The following TMEM266 variants were observed in gnomAD, a reference collection of about 807,000 sequenced individuals.
TMEM266 encodes Hv1 related protein 1.
A neutral mutation model predicts 50.5 loss-of-function variants in TMEM266; 33 were observed. The ratio of observed to expected loss-of-function variants is 0.65; its 90% confidence interval spans 0.50 to 0.87. The LOEUF (loss-of-function observed/expected upper bound fraction) is 0.87, where lower values mean the gene tolerates loss of function less well. Among genes scored for constraint, TMEM266 ranks in the 40% least tolerant of loss-of-function variants. The pLI is 0.00. For synonymous variants in TMEM266, 310 were observed against 292.3 expected (o/e 1.06, Z -0.62); for missense variants, 655 against 695.1 (o/e 0.94, Z 0.65).
At chr15:76,128,248 G>T (rs933377942) in intron 1 of TMEM266, among the ~76,000 whole-genome samples, 5 of 152,236 alleles carry the variant, frequency 3.3e-5, no homozygotes, top group African/African-American at 9.6e-5. Flanking sequence ...AAGAGGTGAT[G>T]AACAGACCTG....
chr15:76,152,511 G>A (rs1170257250), intron 3 of TMEM266, among the ~76,000 whole-genome samples: 1 of 152,156 alleles, frequency 6.6e-6, no homozygotes, highest in Non-Finnish European at 1.5e-5. Flanking sequence ...TATACCCCCT[G>A]CTGAAGGGGG....
chr15:76,166,181 C>G (rs985588221), intron 5 of TMEM266, among the ~76,000 whole-genome samples: 1 of 152,008 alleles, frequency 6.6e-6, no homozygotes, highest in Non-Finnish European at 1.5e-5. Context: ...CTGTCCCTGC[C>G]TCCGTGGACA....
intron 3 of TMEM266, among the ~76,000 whole-genome samples, chr15:76,138,132 G>C (rs900039586): frequency 6.8e-6 from 1 of 147,924 alleles, no homozygotes; most frequent in Non-Finnish European, 1.5e-5. Flanking sequence ...TGAGGCAGGA[G>C]AATTGCTTGA....
At chr15:76,182,515 G>A (rs368886022) in intron 8 of TMEM266, among the ~76,000 whole-genome samples, 133 of 151,976 alleles carry the variant, frequency 8.8e-4, no homozygotes, top group African/African-American at 3.0e-3. Context: ...GTGGTGGCGG[G>A]TGCCTGTGGT....
chr15:76,150,327 C>CCTG (rs2037819335), intron 3 of TMEM266, among the ~76,000 whole-genome samples: 1 of 152,186 alleles, frequency 6.6e-6, no homozygotes, highest in African/African-American at 2.4e-5. Context: ...CGATCTGGCT[C>CCTG]CTGCTACCAG....
chr15:76,101,991 A>T (rs2037008091), intron 1 of TMEM266, among the ~76,000 whole-genome samples: 1 of 152,180 alleles, frequency 6.6e-6, no homozygotes, highest in Non-Finnish European at 1.5e-5. Flanking sequence ...CTGCATACAG[A>T]TGGAGGCTGT....
chr15:76,088,774 G>T (rs1231877400), intron 1 of TMEM266, among the ~76,000 whole-genome samples: 1 of 150,380 alleles, frequency 6.6e-6, no homozygotes, highest in Non-Finnish European at 1.5e-5. Context: ...TCCAGCCTGG[G>T]CTACAGAGTG....
At position 76,105,039 on chromosome 15, in the gene TMEM266, A is replaced by C. The variant is rs144419179; in HGVS notation, c.-96-29129A>C. Among the ~76,000 whole-genome samples, 518 of 152,260 alleles carry C rather than the reference A, an allele frequency of 3.4e-3. 4 individuals are homozygous for C. The highest frequency in any genetic ancestry group is 0.012 in the African/African-American group (491 of 41,560). On this transcript the variant is annotated intron_variant, in intron 1 of 10. Transcript: ENST00000388942. Reference sequence around the variant, plus strand: ...ACAACCTGTCCTTAAAATAGAATAGAGTTCAAGACCAGCCTGACGAACATG... The same window carrying C: ...ACAACCTGTCCTTAAAATAGAATAGCGTTCAAGACCAGCCTGACGAACATG...
intron 9 of TMEM266, among the ~76,000 whole-genome samples, chr15:76,193,744 G>A (rs1303148925): frequency 6.6e-6 from 1 of 152,184 alleles, no homozygotes; most frequent in African/African-American, 2.4e-5. Context: ...AGACTGCACT[G>A]AGGCCTGGTC....
chr15:76,146,450 G>T (rs1280624486), intron 3 of TMEM266, among the ~76,000 whole-genome samples: 1 of 152,194 alleles, frequency 6.6e-6, no homozygotes, highest in Non-Finnish European at 1.5e-5. Context: ...GGACTCCTAG[G>T]CAGGGGAAGC....
intron 8 of TMEM266, among the ~76,000 whole-genome samples, chr15:76,177,597 G>T (rs1349550225): frequency 2.0e-5 from 3 of 152,272 alleles, no homozygotes; most frequent in African/African-American, 4.8e-5. Context: ...GACAAGAGGG[G>T]TCATCAGGGG....
At position 76,204,242 on chromosome 15, in the gene TMEM266, T is replaced by C; in HGVS notation, c.1523T>C (p.Val508Ala). Residue 508 changes from valine to alanine, a missense_variant, in exon 11 of 11, where the codon GTG (valine) becomes GCG (alanine). By Grantham distance (64) the Val-to-Ala change is moderately conservative (BLOSUM62 0). This residue lies in a region of TMEM266 where 455 missense variants were observed against 401.8 expected (regional missense o/e 1.13). Coordinates refer to ENST00000388942, the MANE Select transcript of TMEM266 (RefSeq NM_152335.3). ...CCTGTCATCCACTTCCAGCCCACTG[T>C]GCCCATGCTGGAGGACAAGTTCAGA... The C allele has an allele frequency of 6.2e-7, 1 of 1,613,946 alleles. No individual in the cohort carries two copies. Among genetic ancestry groups the C allele is most frequent in the Non-Finnish European group, 8.5e-7 (1 of 1,179,980 alleles).
chr15:76,162,778 C>T (rs562018788), intron 5 of TMEM266, among the ~76,000 whole-genome samples: 57 of 152,324 alleles, frequency 3.7e-4, no homozygotes, highest in African/African-American at 1.3e-3. Context: ...ACCGAGTGAT[C>T]ACTCAGACCA....
At chr15:76,197,733 T>C (rs1009768104) in intron 9 of TMEM266, among the ~76,000 whole-genome samples, 7 of 152,236 alleles carry the variant, frequency 4.6e-5, no homozygotes, top group African/African-American at 1.7e-4. Context: ...CCCTGGGCTT[T>C]GGGGCCTGGG....
At chr15:76,061,655 A>T (rs2036306133) in intron 1 of TMEM266, among the ~76,000 whole-genome samples, 1 of 152,210 alleles carries the variant, frequency 6.6e-6, no homozygotes, top group Non-Finnish European at 1.5e-5. Flanking sequence ...TTGAGGTGGC[A>T]CTAAACCTAT....
rs2142082362 is a variant in TMEM266, at chr15:76,192,087, G to C, written c.888G>C (p.Val296=). Residue 296 remains valine, a synonymous_variant, in exon 9 of 11, where the codon GTG becomes GTC. Transcript: ENST00000388942. ...GCCAGCCGCGCAGCCGCTTCAAAGT[G>C]TTGGAGGCCGGCACGTGGGACGAGG... 2 of 1,454,254 alleles carry C rather than the reference G, an allele frequency of 1.4e-6. No homozygotes were observed. Among genetic ancestry groups the C allele is most frequent in the South Asian group, 2.8e-5 (2 of 71,032 alleles). The allele number at this position is 1,454,254 out of a possible 1,614,324, so 90.1% of individuals were successfully genotyped here. A position where few individuals can be genotyped will look rare whatever the true frequency, so the allele number is the denominator to read the frequency against.
chr15:76,201,430 C>T (rs974025582), intron 9 of TMEM266, among the ~76,000 whole-genome samples: 3 of 152,164 alleles, frequency 2.0e-5, no homozygotes, highest in Admixed American at 6.5e-5. Context: ...CTCACTCTGT[C>T]ACCCAGGCTG....
chr15:76,156,863 G>A (rs146414013), intron 4 of TMEM266, 105 bp downstream of exon 4: 28 of 1,198,744 alleles, frequency 2.3e-5, no homozygotes, highest in African/African-American at 6.0e-5. Flanking sequence ...ATCTGCCCCC[G>A]CCGATGCTGC....
chr15:76,191,953 C>T lies in TMEM266; in HGVS notation c.769-15C>T, dbSNP rs547797899. 1 of 1,573,066 alleles carries T rather than the reference C, an allele frequency of 6.4e-7. No homozygotes were observed. On this transcript the variant is annotated splice_polypyrimidine_tract_variant and intron_variant, in intron 8 of 10. Coordinates refer to ENST00000388942, the MANE Select transcript of TMEM266 (RefSeq NM_152335.3). ...CCCTCGCCGCTGATTCAGCCTTGCC[C>T]GTCTCCCTCCGCAGTTTGAGATCCG...
Sources: gnomAD v4.1 joint callset for allele counts (sites outside exome capture counted in the v4.1 genomes callset) on GRCh38, gnomAD v4.1.1 for gene constraint, gnomAD v4.1.1 regional missense constraint, MANE v1.5 for transcripts, NCBI Gene and HGNC (gene_info 2026-07-23, HGNC 2026-07-21) for gene names.